The following SPTB variants were observed in gnomAD, a reference collection of about 807,000 sequenced individuals.
SPTB encodes spectrin beta chain, erythrocytic.
A neutral mutation model predicts 256.2 loss-of-function variants in SPTB; 45 were observed. That is an observed-to-expected ratio of 0.18 (90% CI 0.14 to 0.23). The LOEUF is 0.23. Among genes scored for constraint, SPTB ranks in the 10% least tolerant of loss-of-function variants. The probability of loss-of-function intolerance (pLI) is 1.00; values close to 1 mark genes in which losing one functional copy is unlikely to be tolerated. For synonymous variants in SPTB, 1,231 were observed against 1,243.1 expected (o/e 0.99, Z 0.21); for missense variants, 2,715 against 3,040.4 (o/e 0.89, Z 2.52).
chr14:64,819,165 G>T (rs573314473), intron 2 of SPTB, among the ~76,000 whole-genome samples: 1 of 152,258 alleles, frequency 6.6e-6, no homozygotes, highest in Non-Finnish European at 1.5e-5. Context: ...CTTTAGTTAG[G>T]CTGACTCCCA....
Position 64,763,713 on chromosome 14 carries a change from C to T in SPTB, c.6345+3013G>A, listed in dbSNP as rs550700918. 29 of 517,916 alleles carry T rather than the reference C, an allele frequency of 5.6e-5. No individual in the cohort carries two copies. In the East Asian group the frequency reaches 8.2e-4, roughly 15 times the overall value. The allele number at this position is 517,916 out of a possible 1,614,324, so 32.1% of individuals were successfully genotyped here. On this transcript the variant is annotated intron_variant, in intron 32 of 35. Transcript: ENST00000644917. Reference sequence around the variant, plus strand: ...CTTCCCCTCCAGCAGTTTTGTCTTTCGTGAGTGAGGTCTTGTTTCTTCTGC... The same window carrying T: ...CTTCCCCTCCAGCAGTTTTGTCTTTTGTGAGTGAGGTCTTGTTTCTTCTGC...
intron 1 of SPTB, among the ~76,000 whole-genome samples, chr14:64,843,357 T>A (rs1001995678): frequency 1.3e-5 from 2 of 152,170 alleles, no homozygotes; most frequent in Admixed American, 1.3e-4. Context: ...AGTCACGCAG[T>A]TACTACTCAA....
intron 1 of SPTB, 100 bp downstream of exon 1, chr14:64,879,692 C>T (rs1286490854): frequency 6.6e-6 from 1 of 152,320 alleles, no homozygotes; most frequent in Admixed American, 6.5e-5. Context: ...GCGCGTCAGG[C>T]GCCCCCTGGG....
intron 1 of SPTB, among the ~76,000 whole-genome samples, chr14:64,871,475 G>T (rs545803336): frequency 6.6e-6 from 1 of 152,336 alleles, no homozygotes; most frequent in South Asian, 2.1e-4. Context: ...TTGAGAAGGG[G>T]TGTTATATGA....
intron 32 of SPTB, chr14:64,754,217 GAC>G: frequency 6.2e-6 from 2 of 321,908 alleles, no homozygotes; most frequent in Non-Finnish European, 1.2e-5. Context: ...CTGCTGCTAA[GAC>G]AAGTTCGGCA....
intron 32 of SPTB, chr14:64,755,956 C>T (rs1002602899): frequency 1.2e-4 from 19 of 152,354 alleles, no homozygotes; most frequent in African/African-American, 4.3e-4. Flanking sequence ...CCGACACCCG[C>T]CCCTGCAGGT....
rs766330917 is a variant in SPTB at position 64,768,993 on chromosome 14, G to C, written c.6022+41C>G. On this transcript the variant is annotated intron_variant, in intron 29 of 35. Coordinates refer to ENST00000644917, the MANE Select transcript of SPTB (RefSeq NM_001355436.2). ...TCCCCATTCCCCTACTCCTGCGGGG[G>C]TACTCCTGCCCCTGGGCCCTGGCTC... 7 of 1,532,254 alleles carry C rather than the reference G, an allele frequency of 4.6e-6. No homozygotes were observed. The African/African-American group carries it at 9.5e-5, about 21-fold the overall frequency. The allele number at this position is 1,532,254 out of a possible 1,614,324, so 94.9% of individuals were successfully genotyped here. A position where few individuals can be genotyped will look rare whatever the true frequency, so the allele number is the denominator to read the frequency against.
chr14:64,783,794 T>G (rs1291782034), intron 19 of SPTB, among the ~76,000 whole-genome samples: 1 of 152,178 alleles, frequency 6.6e-6, no homozygotes, highest in Non-Finnish European at 1.5e-5. Context: ...GTCCCTTGGT[T>G]CGCCATCTAT....
At position 64,790,384 on chromosome 14, in the gene SPTB, C is replaced by G. The variant is rs1480441880; in HGVS notation, c.2804+1335G>C. ...TCTGGTTTAGACCTGCTCTAGTTTC[C>G]TCAATTATGCAGCAATTGCAATAAT... On this transcript the variant is annotated intron_variant, in intron 15 of 35. Coordinates refer to ENST00000644917, the MANE Select transcript of SPTB (RefSeq NM_001355436.2). The surrounding 1 kb of genome is among the most constrained non-coding windows in gnomAD (Gnocchi z 4.8). Among the ~76,000 whole-genome samples the G allele has an allele frequency of 6.6e-6, 1 of 152,116 alleles. No individual in the cohort carries two copies. Among genetic ancestry groups the G allele is most frequent in the Non-Finnish European group, 1.5e-5 (1 of 68,004 alleles).
rs2082072880 is a variant in SPTB, at chr14:64,760,222, A to G, written c.6346-6429T>C. 6.6e-6 allele frequency among the ~76,000 whole-genome samples: 1 copy of G among 151,908 alleles called. No homozygotes were observed. Among genetic ancestry groups the G allele is most frequent in the Admixed American group, 6.5e-5 (1 of 15,270 alleles). On this transcript the variant is annotated intron_variant, in intron 32 of 35. Coordinates refer to ENST00000644917, the MANE Select transcript of SPTB (RefSeq NM_001355436.2). This position sits in a 1 kb window ranked among gnomAD's most constrained non-coding sequence, Gnocchi z 4.3. The stretch of plus-strand genomic sequence containing the variant: ...TGACTTTTTAGGGTCCTGCCTTGCT[A>G]GGAAACTGGCTTGGGTGGGGGAGGC...
chr14:64,854,190 TCAAAACAAAA>T (rs542125588), intron 1 of SPTB, among the ~76,000 whole-genome samples: 1 of 143,584 alleles, frequency 7.0e-6, no homozygotes, highest in Non-Finnish European at 1.5e-5. Context: ...AGACTCCGCC[TCAAAACAAAA>T]CAAAACAAAA....
Position 64,786,670 on chromosome 14 carries a change from G to A in SPTB, c.3295C>T (p.Leu1099Phe), listed in dbSNP as rs1370491661. The change falls in exon 16 of 36, where the codon CTC becomes TTC. Residue 1099 changes from leucine to phenylalanine, a missense_variant. Coordinates refer to ENST00000644917, the MANE Select transcript of SPTB (RefSeq NM_001355436.2). The surrounding 1 kb of genome is among the most constrained non-coding windows in gnomAD (Gnocchi z 5.6). Reference sequence around the variant, plus strand: ...TTGATACCTGCATGCTGCTGCAGGAGCTGCTCAGCCTCTGGGAGGGATTCG... The same window carrying A: ...TTGATACCTGCATGCTGCTGCAGGAACTGCTCAGCCTCTGGGAGGGATTCG... Reference protein sequence around the residue: ...MPESLPEAEQLLQQHAGIKDE... With the variant: ...MPESLPEAEQFLQQHAGIKDE... 6.2e-7 allele frequency: 1 copy of A among 1,614,146 alleles called. No homozygotes were observed. Among genetic ancestry groups the A allele is most frequent in the Non-Finnish European group, 8.5e-7 (1 of 1,179,972 alleles).
chr14:64,750,626 A>G (rs764456421), intron 33 of SPTB, among the ~76,000 whole-genome samples: 90 of 152,018 alleles, frequency 5.9e-4, no homozygotes, highest in Non-Finnish European at 1.1e-3. Context: ...AAATACAAAA[A>G]TTAGCCGGGC....
chr14:64,766,519 G>A (rs928558654), intron 32 of SPTB: 32 of 1,479,078 alleles, frequency 2.2e-5, no homozygotes, highest in Admixed American at 1.9e-4. Flanking sequence ...CTGTGGGGAG[G>A]AGTGGAGGAG....
chr14:64,867,062 A>G (rs2139814606), intron 1 of SPTB, among the ~76,000 whole-genome samples: 1 of 152,276 alleles, frequency 6.6e-6, no homozygotes, highest in East Asian at 1.9e-4. Context: ...GACATATCTG[A>G]CGATGTAAGT....
At chr14:64,762,774 C>G (rs752369907) in intron 32 of SPTB, among the ~76,000 whole-genome samples, 4 of 152,180 alleles carry the variant, frequency 2.6e-5, no homozygotes, top group South Asian at 2.1e-4. Context: ...AGGCTGATAA[C>G]GAGGGGGCAC....
Position 64,769,683 on chromosome 14 carries a change from G to C in SPTB, c.5844C>G (p.Ile1948Met). 6.2e-7 allele frequency: 1 copy of C among 1,614,202 alleles called. No homozygotes were observed. Among genetic ancestry groups the C allele is most frequent in the Non-Finnish European group, 8.5e-7 (1 of 1,180,030 alleles). ...VELLMKYHQG[I>M]NAEIETRSKN... is the part of the protein sequence containing the mutation. ...TGCTCCGGGTTTCAATCTCTGCATTGATGCCCTGGTGATACTTCATGAGCA... is the reference window on the plus strand; with the variant it reads ...TGCTCCGGGTTTCAATCTCTGCATTCATGCCCTGGTGATACTTCATGAGCA... Residue 1948 changes from isoleucine to methionine, a missense_variant, in exon 28 of 36, where the codon ATC (isoleucine) becomes ATG (methionine). Coordinates refer to ENST00000644917, the MANE Select transcript of SPTB (RefSeq NM_001355436.2).
intron 27 of SPTB, 135 bp downstream of exon 27, chr14:64,770,750 T>A: frequency 7.2e-7 from 1 of 1,396,078 alleles, no homozygotes; most frequent in East Asian, 2.3e-5. Flanking sequence ...AGGCCTCAAG[T>A]GTCCCCCAGG....
chr14:64,749,438 G>T lies in SPTB; in HGVS notation c.6855C>A (p.Thr2285=). 1.2e-6 allele frequency: 2 copies of T among 1,603,596 alleles called. No homozygotes were observed. Among genetic ancestry groups the T allele is most frequent in the Non-Finnish European group, 8.5e-7 (1 of 1,178,966 alleles). The change falls in exon 36 of 36, where the codon ACC becomes ACA. Residue 2285 remains threonine (T), a synonymous_variant. Transcript: ENST00000644917. The surrounding 1 kb of genome is among the most constrained non-coding windows in gnomAD (Gnocchi z 4.7). ...GGATGCTCTGGGACTCGTTGATGGC[G>T]GTGCTCACGCCCTGCAGCCAGGACA... is the stretch of plus-strand genomic sequence containing the variant. ...EMLSWLQGVS[T]AINESQSIRV...
Sources: gnomAD v4.1 joint callset for allele counts (sites outside exome capture counted in the v4.1 genomes callset) on GRCh38, gnomAD v4.1.1 for gene constraint, Gnocchi (gnomAD v3.1) non-coding constraint, MANE v1.5 for transcripts, NCBI Gene and HGNC (gene_info 2026-07-23, HGNC 2026-07-21) for gene names.